CTNNA3: variants seen among roughly 807,000 people sequenced by gnomAD.
The protein encoded by CTNNA3 is catenin alpha-3.
Under a neutral mutation model 95.7 loss-of-function variants are expected in CTNNA3, and 76 were observed. The ratio of observed to expected loss-of-function variants is 0.79; its 90% confidence interval spans 0.66 to 0.96. The LOEUF is 0.96. CTNNA3 is among the 40% of genes least tolerant of loss of function. CTNNA3 has a pLI of 0.00. For missense variants in CTNNA3, 1,191 were observed against 1,089.8 expected (o/e 1.09, Z -1.31); for synonymous variants, 431 against 374.4 (o/e 1.15, Z -1.74).
chr10:67,711,178 A>G (rs1032229674), intron 1 of CTNNA3, among the ~76,000 whole-genome samples: 1 of 152,234 alleles, frequency 6.6e-6, no homozygotes, highest in Non-Finnish European at 1.5e-5. Context: ...AGTATTGGGT[A>G]TGTCTTTATC....
intron 7 of CTNNA3, among the ~76,000 whole-genome samples, chr10:67,012,753 T>C (rs965249284): frequency 6.6e-6 from 1 of 152,156 alleles, no homozygotes; most frequent in Non-Finnish European, 1.5e-5. Context: ...TATACACTTC[T>C]GTAAAATGAT....
At chr10:67,721,518 T>C (rs1014133176) in intron 1 of CTNNA3, among the ~76,000 whole-genome samples, 1 of 152,180 alleles carries the variant, frequency 6.6e-6, no homozygotes, top group Non-Finnish European at 1.5e-5. Context: ...AGGTCATTTA[T>C]GTTCTTCTCT....
chr10:67,223,308 G>T (rs949792309), intron 5 of CTNNA3, among the ~76,000 whole-genome samples: 16 of 152,182 alleles, frequency 1.1e-4, no homozygotes, highest in Admixed American at 6.5e-5. Context: ...GTTTGTAGTT[G>T]TTTTATTTTA....
At chr10:66,554,778 A>G (rs1842340050) in intron 10 of CTNNA3, among the ~76,000 whole-genome samples, 1 of 152,102 alleles carries the variant, frequency 6.6e-6, no homozygotes, top group African/African-American at 2.4e-5. Context: ...CAGAATAAGT[A>G]TAGGCTTCTT....
rs1427942973 is a variant in CTNNA3, at chr10:67,564,369, C to G, written c.293-24700G>C. Among the ~76,000 whole-genome samples the G allele has an allele frequency of 1.3e-5, 2 of 148,752 alleles. 1 individual carries two copies. Among genetic ancestry groups the G allele is most frequent in the Non-Finnish European group, 3.0e-5 (2 of 67,102 alleles). ...GGACATGGATGGAGCTGGTAACCAC[C>G]ATTCTGAGCAAACTATCGCAAGGAC... On this transcript the variant is annotated intron_variant, in intron 3 of 17. Coordinates refer to ENST00000433211, the MANE Select transcript of CTNNA3 (RefSeq NM_013266.4).
chr10:67,410,476 A>T (rs912796836), intron 5 of CTNNA3, among the ~76,000 whole-genome samples: 5 of 152,140 alleles, frequency 3.3e-5, no homozygotes, highest in African/African-American at 1.2e-4. Context: ...CTATGTAATA[A>T]ATCTGCACAA....
chr10:67,606,230 T>G (rs1314412341), intron 3 of CTNNA3, among the ~76,000 whole-genome samples: 1 of 152,210 alleles, frequency 6.6e-6, no homozygotes. Context: ...CCAAAGAATA[T>G]TCAGCAATTA....
intron 7 of CTNNA3, among the ~76,000 whole-genome samples, chr10:66,804,944 G>A (rs1564694424): frequency 6.6e-6 from 1 of 152,018 alleles, no homozygotes; most frequent in East Asian, 1.9e-4. Context: ...AGTTCACAGT[G>A]CCTAAATGTT....
intron 10 of CTNNA3, among the ~76,000 whole-genome samples, chr10:66,522,336 G>T (rs943225549): frequency 6.6e-6 from 1 of 152,112 alleles, no homozygotes; most frequent in East Asian, 1.9e-4. Context: ...TTTCATAGGG[G>T]TTTGATATAG....
intron 9 of CTNNA3, among the ~76,000 whole-genome samples, chr10:66,685,311 GTGTGTGTA>G (rs1182879849): frequency 4.5e-4 from 13 of 28,686 alleles, no homozygotes; most frequent in African/African-American, 3.1e-3. Context: ...ATATATATGT[GTGTGTGTA>G]TGTGTGTATA....
At chr10:67,595,580 C>T (rs534746233) in intron 3 of CTNNA3, among the ~76,000 whole-genome samples, 18 of 152,198 alleles carry the variant, frequency 1.2e-4, no homozygotes, top group Admixed American at 3.3e-4. Context: ...AGAGTATGTG[C>T]CATGTGCAGA....
intron 7 of CTNNA3, among the ~76,000 whole-genome samples, chr10:66,910,028 G>A (rs1329234764): frequency 6.6e-6 from 1 of 152,052 alleles, no homozygotes; most frequent in African/African-American, 2.4e-5. Flanking sequence ...TATATAAATG[G>A]TTTATAAAAG....
rs143057737 is a variant in CTNNA3, at chr10:66,559,033, C to G, written c.1375-38260G>C. On this transcript the variant is annotated intron_variant, in intron 10 of 17. Coordinates refer to ENST00000433211, the MANE Select transcript of CTNNA3 (RefSeq NM_013266.4). ...TCATCATCTACCTATGTGAGCAAAA[C>G]TAAGGATTCATCTGTGACAACTCCT... 5.3e-4 allele frequency among the ~76,000 whole-genome samples: 81 copies of G among 152,268 alleles called. 1 individual carries two copies. In the South Asian group the frequency reaches 0.011, roughly 20 times the overall value.
At chr10:67,584,873 G>A (rs893528419) in intron 3 of CTNNA3, among the ~76,000 whole-genome samples, 9 of 152,230 alleles carry the variant, frequency 5.9e-5, no homozygotes, top group African/African-American at 1.7e-4. Context: ...AGCCATGTGC[G>A]GGATATAATC....
At chr10:66,000,635 G>A (rs763220337) in intron 15 of CTNNA3, among the ~76,000 whole-genome samples, 23 of 151,698 alleles carry the variant, frequency 1.5e-4, no homozygotes, top group African/African-American at 4.1e-4. Context: ...ATAACATAGC[G>A]GTTGATTTTA....
chr10:67,077,420 C>T (rs892823526), intron 7 of CTNNA3, among the ~76,000 whole-genome samples: 2 of 152,274 alleles, frequency 1.3e-5, no homozygotes, highest in African/African-American at 4.8e-5. Context: ...TCCCACCTGA[C>T]CCAGTCCCTT....
chr10:67,275,291 A>G (rs561822147), intron 5 of CTNNA3, among the ~76,000 whole-genome samples: 76 of 152,308 alleles, frequency 5.0e-4, no homozygotes, highest in African/African-American at 1.7e-3. Context: ...ACGTGCACAC[A>G]TAAGTGGTGG....
chr10:67,281,744 A>G (rs1004496010), intron 5 of CTNNA3, among the ~76,000 whole-genome samples: 3 of 152,204 alleles, frequency 2.0e-5, no homozygotes, highest in African/African-American at 4.8e-5. Flanking sequence ...TTAATCATGA[A>G]TAATTGATAT....
chr10:67,679,682 T>C (rs1840591849), intron 1 of CTNNA3, among the ~76,000 whole-genome samples: 1 of 152,190 alleles, frequency 6.6e-6, no homozygotes, highest in African/African-American at 2.4e-5. Context: ...AAAAAATCAT[T>C]GCTAAAAGAT....
Sources: gnomAD v4.1 joint callset for allele counts (sites outside exome capture counted in the v4.1 genomes callset) on GRCh38, gnomAD v4.1.1 for gene constraint, MANE v1.5 for transcripts, NCBI Gene and HGNC (gene_info 2026-07-23, HGNC 2026-07-21) for gene names.